The following CLCF1 variants were observed in gnomAD, a reference collection of about 807,000 sequenced individuals.
CLCF1 encodes cardiotrophin-like cytokine factor 1.
A neutral mutation model predicts 21.2 loss-of-function variants in CLCF1; 10 were observed. The observed-to-expected ratio is 0.47, with a 90% CI of 0.29 to 0.80. The LOEUF is 0.80. Among genes scored for constraint, CLCF1 ranks in the 30% least tolerant of loss-of-function variants. The pLI, the probability that CLCF1 is intolerant of heterozygous loss-of-function variation, is 0.09. For synonymous variants in CLCF1, 115 were observed against 120.5 expected (o/e 0.95, Z 0.30); for missense variants, 240 against 293.4 (o/e 0.82, Z 1.33).
upstream of CLCF1, chr11:67,373,713 C>CTT (rs35544864): frequency 2.5e-3 from 2,597 of 1,031,112 alleles, no homozygotes; most frequent in African/African-American, 0.011. Flanking sequence ...ATTCTGCAAA[C>CTT]TTTTTTTTTT....
chr11:67,373,963 G>T (rs1862292635), upstream of CLCF1: 2 of 989,818 alleles, frequency 2.0e-6, no homozygotes, highest in South Asian at 4.8e-5. Flanking sequence ...CCGGCTTCGG[G>T]TGGGCTTCTC....
At position 67,369,293 on chromosome 11, in the gene CLCF1, A is replaced by G. The variant is rs1239178659; in HGVS notation, c.17-1667T>C. On this transcript the variant is annotated intron_variant, in intron 1 of 2. Coordinates refer to ENST00000312438, the MANE Select transcript of CLCF1 (RefSeq NM_013246.3). ...TAAGGGAGCGTGGCGGTGGGGTACC[A>G]CAAGTCACAGGGTCTTGGTTTGAGG... The G allele has an allele frequency of 3.0e-6, 3 of 985,246 alleles. No individual in the cohort carries two copies. In the African/African-American group the frequency reaches 5.2e-5, roughly 17 times the overall value. The allele number at this position is 985,246 out of a possible 1,614,324, so 61.0% of individuals were successfully genotyped here.
chr11:67,370,385 C>A (rs1227912393), intron 1 of CLCF1: 1 of 984,314 alleles, frequency 1.0e-6, no homozygotes, highest in Non-Finnish European at 1.2e-6. Context: ...CCCCTCTCCC[C>A]CTCCCCACCA....
upstream of CLCF1, chr11:67,373,727 T>C (rs1399661137): frequency 1.7e-6 from 2 of 1,211,582 alleles, no homozygotes; most frequent in Non-Finnish European, 2.1e-6. Flanking sequence ...TTTTTTTTTT[T>C]TCTGACGTGT....
chr11:67,365,453 T>C lies in CLCF1; in HGVS notation c.361A>G (p.Asn121Asp). The change falls in exon 3 of 3, where the codon AAC becomes GAC. Residue 121 changes from asparagine to aspartate, a missense_variant. Transcript: ENST00000312438. The surrounding 1 kb of genome is among the most constrained non-coding windows in gnomAD (Gnocchi z 5.0). ...AGCTCAGCAGTGGCAGCCTGACGGT[T>C]GAGGCCACGCAAGTAACACAGAAGG... The part of the protein sequence containing the change: ...SHLLCYLRGL[N>D]RQAATAELRR... 6.2e-7 allele frequency: 1 copy of C among 1,613,956 alleles called. No individual in the cohort carries two copies. Among genetic ancestry groups the C allele is most frequent in the Non-Finnish European group, 8.5e-7 (1 of 1,179,922 alleles).
At chr11:67,370,792 C>T (rs1050806375) in intron 1 of CLCF1, 4 of 985,272 alleles carry the variant, frequency 4.1e-6, no homozygotes, top group African/African-American at 1.7e-5. Context: ...AGAGTTCAGC[C>T]ATGCAGATGT....
chr11:67,371,570 G>C (rs1351123357), intron 1 of CLCF1, among the ~76,000 whole-genome samples: 1 of 152,226 alleles, frequency 6.6e-6, no homozygotes, highest in Non-Finnish European at 1.5e-5. Flanking sequence ...GCTTTGGCTG[G>C]AGTGAGAGGG....
In CLCF1 at chr11:67,365,658, G is replaced by A; in HGVS notation, c.184-28C>T. The stretch of plus-strand genomic sequence containing the variant: ...GTGAAAAGGAGAGGGTGATGGGGAA[G>A]GAGGAGGGCAGAGCCGCTGGCTCAC... On this transcript the variant is annotated intron_variant, in intron 2 of 2. Transcript: ENST00000312438. This position sits in a 1 kb window ranked among gnomAD's most constrained non-coding sequence, Gnocchi z 5.0. 3 of 1,586,226 alleles carry A rather than the reference G, an allele frequency of 1.9e-6. No individual in the cohort carries two copies. The South Asian group carries it at 3.4e-5, about 18-fold the overall frequency.
At position 67,365,414 on chromosome 11, in the gene CLCF1, C is replaced by G. The variant is rs1024456074; in HGVS notation, c.400G>C (p.Ala134Pro). ...AATAELRRSLAHFCTSLQGLL... is the reference protein window; with the variant it reads ...AATAELRRSLPHFCTSLQGLL... The stretch of plus-strand genomic sequence containing the variant: ...CCCTGGAGGCTGGTGCAGAAGTGGG[C>G]CAGGCTGCGGCGCAGCTCAGCAGTG... The change falls in exon 3 of 3, where the codon GCC becomes CCC. Residue 134 changes from alanine (A) to proline (P), a missense_variant. Ala to Pro is a conservative substitution (Grantham distance 27). Transcript: ENST00000312438. This position sits in a 1 kb window ranked among gnomAD's most constrained non-coding sequence, Gnocchi z 5.0. 4.3e-6 allele frequency: 7 copies of G among 1,613,434 alleles called. No homozygotes were observed. Among genetic ancestry groups the G allele is most frequent in the Non-Finnish European group, 5.9e-6 (7 of 1,179,726 alleles).
Position 67,372,595 on chromosome 11 carries a change from C to A in CLCF1, c.16+929G>T, listed in dbSNP as rs1172222064. On this transcript the variant is annotated intron_variant, in intron 1 of 2. Transcript: ENST00000312438. This position sits in a 1 kb window ranked among gnomAD's most constrained non-coding sequence, Gnocchi z 5.9. ...CCCCGGCCCCGCCCCCTCCCGCTCC[C>A]GCCCGGTCGCTCCTTCCCCGCGGCG... Among the ~76,000 whole-genome samples, 1 of 149,252 alleles carries A rather than the reference C, an allele frequency of 6.7e-6. No individual in the cohort carries two copies. The highest frequency in any genetic ancestry group is 2.5e-5 in the African/African-American group (1 of 40,526).
chr11:67,367,078 C>T (rs1443807102), intron 2 of CLCF1, among the ~76,000 whole-genome samples: 2 of 152,122 alleles, frequency 1.3e-5, no homozygotes, highest in Non-Finnish European at 2.9e-5. Flanking sequence ...GGGGCAGAGG[C>T]GAGCTGGAAC....
At chr11:67,369,644 C>A in intron 1 of CLCF1, 1 of 985,438 alleles carries the variant, frequency 1.0e-6, no homozygotes, top group Non-Finnish European at 1.2e-6. Context: ...GCCTTGAGGT[C>A]GCTTTCAGCA....
Position 67,365,476 on chromosome 11 carries a change from A to T in CLCF1, c.338T>A (p.Leu113His). ...GTTGAGGCCACGCAAGTAACACAGAAGGTGGCTGTAGGCCTCGTAGTTCTG... is the reference window on the plus strand; with the variant it reads ...GTTGAGGCCACGCAAGTAACACAGATGGTGGCTGTAGGCCTCGTAGTTCTG... Reference protein sequence around the residue: ...LTQNYEAYSHLLCYLRGLNRQ... With the variant: ...LTQNYEAYSHHLCYLRGLNRQ... The change falls in exon 3 of 3, where the codon CTT becomes CAT. Residue 113 changes from leucine to histidine, a missense_variant. Physicochemically the swap from Leu to His is moderately conservative, Grantham distance 99 (BLOSUM62 -3). Coordinates refer to ENST00000312438, the MANE Select transcript of CLCF1 (RefSeq NM_013246.3). This position sits in a 1 kb window ranked among gnomAD's most constrained non-coding sequence, Gnocchi z 5.0. 6.2e-7 allele frequency: 1 copy of T among 1,614,086 alleles called. No individual in the cohort carries two copies. Among genetic ancestry groups the T allele is most frequent in the Non-Finnish European group, 8.5e-7 (1 of 1,179,946 alleles).
At chr11:67,374,032 C>A, upstream of CLCF1, 1 of 988,390 alleles carries the variant, frequency 1.0e-6, no homozygotes, top group East Asian at 1.1e-4. Flanking sequence ...ATGCGGGGTC[C>A]CTGATCCAAC....
At chr11:67,369,991 G>GT (rs1784122284) in intron 1 of CLCF1, 1 of 985,282 alleles carries the variant, frequency 1.0e-6, no homozygotes, top group Non-Finnish European at 1.2e-6. Context: ...CAGTTCTGAG[G>GT]TAACTGTGTC....
intron 1 of CLCF1, chr11:67,370,579 C>G: frequency 1.0e-6 from 1 of 982,438 alleles, no homozygotes; most frequent in Non-Finnish European, 1.2e-6. Flanking sequence ...CATCCAGATC[C>G]CTGGGCCCTA....
At chr11:67,367,734 G>C in intron 1 of CLCF1, 108 bp from the exon 2 acceptor site, 1 of 1,531,144 alleles carries the variant, frequency 6.5e-7, no homozygotes, top group Non-Finnish European at 8.7e-7. Flanking sequence ...TGGGGGGTGA[G>C]GGTGGGACAC....
At position 67,373,591 on chromosome 11, in the gene CLCF1, A is replaced by G. The variant is rs1034927840; in HGVS notation, c.-52T>C. 1 of 1,301,460 alleles carries G rather than the reference A, an allele frequency of 7.7e-7. No homozygotes were observed. Among genetic ancestry groups the G allele is most frequent in the South Asian group, 2.1e-5 (1 of 48,404 alleles). The allele number at this position is 1,301,460 out of a possible 1,614,324, so 80.6% of individuals were successfully genotyped here. On this transcript the variant is annotated 5_prime_UTR_variant, in exon 1 of 3. Transcript: ENST00000312438. Reference sequence around the variant, plus strand: ...CGGCTCCTCTCCCGGAGGCTGGCGGAGTGGGAGGGCGAGCCGCGGCTCCGG... The same window carrying G: ...CGGCTCCTCTCCCGGAGGCTGGCGGGGTGGGAGGGCGAGCCGCGGCTCCGG...
At chr11:67,373,826 C>G (rs1361605190), upstream of CLCF1, 1 of 1,076,722 alleles carries the variant, frequency 9.3e-7, no homozygotes, top group Non-Finnish European at 1.2e-6. Flanking sequence ...GGCTCCCTCT[C>G]CCTCCCACAG....
Sources: gnomAD v4.1 joint callset for allele counts (sites outside exome capture counted in the v4.1 genomes callset) on GRCh38, gnomAD v4.1.1 for gene constraint, Gnocchi (gnomAD v3.1) non-coding constraint, MANE v1.5 for transcripts, NCBI Gene and HGNC (gene_info 2026-07-23, HGNC 2026-07-21) for gene names.